Variants in GADL1 observed in about 807,000 individuals in gnomAD.
GADL1 encodes the protein acidic amino acid decarboxylase GADL1.
In GADL1, 71 loss-of-function variants were observed where a neutral mutation model predicts 69.5. That is an observed-to-expected ratio of 1.02 (90% CI 0.84 to 1.25). The LOEUF is 1.25. Among genes scored for constraint, GADL1 ranks in the 50% most tolerant of loss-of-function variants. The probability of loss-of-function intolerance (pLI) is 0.00; values close to 1 mark genes in which losing one functional copy is unlikely to be tolerated. For missense variants in GADL1, 737 were observed against 631.8 expected (o/e 1.17, Z -1.79); for synonymous variants, 254 against 214.4 (o/e 1.18, Z -1.62).
At chr3:30,852,386 C>T (rs1698161752) in intron 4 of GADL1, among the ~76,000 whole-genome samples, 1 of 152,000 alleles carries the variant, frequency 6.6e-6, no homozygotes, top group South Asian at 2.1e-4. Flanking sequence ...GTGGTAGGGG[C>T]CTGTAATCCC....
chr3:30,869,825 A>T (rs1331074238), intron 1 of GADL1, among the ~76,000 whole-genome samples: 2 of 151,836 alleles, frequency 1.3e-5, no homozygotes, highest in Admixed American at 1.3e-4. Context: ...AAACTTCAAG[A>T]CCAAAAAGAC....
intron 14 of GADL1, among the ~76,000 whole-genome samples, chr3:30,757,174 A>G (rs1447061130): frequency 6.6e-6 from 1 of 152,120 alleles, no homozygotes; most frequent in Non-Finnish European, 1.5e-5. Context: ...TGCTCCCAAA[A>G]TGTGATTGAA....
intron 12 of GADL1, among the ~76,000 whole-genome samples, chr3:30,791,841 G>A (rs1299820025): frequency 1.3e-5 from 2 of 152,088 alleles, no homozygotes; most frequent in Non-Finnish European, 2.9e-5. Flanking sequence ...TTTCATGACA[G>A]TGAATAAGTC....
intron 14 of GADL1, among the ~76,000 whole-genome samples, chr3:30,750,102 T>A (rs1333147910): frequency 6.6e-6 from 1 of 152,184 alleles, no homozygotes; most frequent in East Asian, 1.9e-4. Flanking sequence ...TTTCTCCTTC[T>A]TCATCAAAGT....
rs184767550 is a variant in GADL1, at chr3:30,778,193, C to T, written c.1378G>A (p.Ala460Thr). ...TTATTACTTACCAAATTAAGTTTTG[C>T]CCAGAACTCGGGTCCTTCTTCCATC... ...REMEEGPEFW[A>T]KLNLVAPAIK... Residue 460 changes from alanine to threonine, a missense_variant, in exon 14 of 15, where the codon GCA (alanine) becomes ACA (threonine). Transcript: ENST00000282538. 67 of 1,605,076 alleles carry T rather than the reference C, an allele frequency of 4.2e-5. No homozygotes were observed. In the Admixed American group the frequency reaches 9.7e-4, roughly 23 times the overall value.
intron 13 of GADL1, among the ~76,000 whole-genome samples, chr3:30,780,400 C>G (rs1053909461): frequency 5.3e-5 from 8 of 152,180 alleles, no homozygotes; most frequent in East Asian, 1.9e-4. Flanking sequence ...CTTGGGCGCT[C>G]TATCTCAGTG....
chr3:30,816,888 G>T (rs1697486168), intron 11 of GADL1, among the ~76,000 whole-genome samples: 1 of 151,930 alleles, frequency 6.6e-6, no homozygotes, highest in South Asian at 2.1e-4. Flanking sequence ...CAGAAATCAG[G>T]GGATAACTGT....
At chr3:30,849,617 T>C (rs2125531471) in intron 6 of GADL1, among the ~76,000 whole-genome samples, 1 of 152,266 alleles carries the variant, frequency 6.6e-6, no homozygotes, top group East Asian at 1.9e-4. Context: ...ACATCCCTTA[T>C]ATTAGCCAAT....
intron 1 of GADL1, among the ~76,000 whole-genome samples, chr3:30,862,740 G>A (rs368625749): frequency 2.0e-5 from 3 of 151,938 alleles, no homozygotes; most frequent in East Asian, 3.9e-4. Context: ...ATCTTCAAAG[G>A]CAAAGAGCTA....
chr3:30,786,904 T>A (rs553741310), intron 12 of GADL1, among the ~76,000 whole-genome samples: 1 of 152,182 alleles, frequency 6.6e-6, no homozygotes. Context: ...ATCAGTATCA[T>A]GTTAAAAGTA....
At chr3:30,784,570 A>G (rs535108942) in intron 13 of GADL1, among the ~76,000 whole-genome samples, 3 of 152,308 alleles carry the variant, frequency 2.0e-5, no homozygotes, top group South Asian at 4.1e-4. Flanking sequence ...TACTAGGGGA[A>G]TCCATGCTCT....
At chr3:30,860,284 T>G (rs905609517) in intron 2 of GADL1, among the ~76,000 whole-genome samples, 1 of 151,952 alleles carries the variant, frequency 6.6e-6, no homozygotes, top group South Asian at 2.1e-4. Flanking sequence ...TCCAATTAGA[T>G]TATAAATTCT....
At chr3:30,735,990 T>G (rs993877774) in intron 14 of GADL1, among the ~76,000 whole-genome samples, 2 of 152,140 alleles carry the variant, frequency 1.3e-5, no homozygotes, top group African/African-American at 2.4e-5. Context: ...TAATCTTTCA[T>G]TATGTTTGTT....
chr3:30,862,545 G>C (rs4955345), intron 1 of GADL1, among the ~76,000 whole-genome samples: 50,460 of 151,834 alleles, frequency 0.33, 8,739 homozygotes, highest in East Asian at 0.63. Context: ...TGAAGCTTTG[G>C]GCAGAGATAA....
chr3:30,761,700 T>C (rs1170135753), intron 14 of GADL1, among the ~76,000 whole-genome samples: 2 of 132,154 alleles, frequency 1.5e-5, no homozygotes, highest in Non-Finnish European at 3.4e-5. Context: ...GACATATCCA[T>C]TTGTGTGTGA....
chr3:30,863,719 A>AAC lies in GADL1; in HGVS notation c.38-1955_38-1954insGT, dbSNP rs56885580. ...ATATTCCAATGGTCTACAAAAAAAA[A>AAC]CCCTTCTAAATATATGTATTTCAAA... On this transcript the variant is annotated intron_variant, in intron 1 of 14. Transcript: ENST00000282538. Among the ~76,000 whole-genome samples the AAC allele has an allele frequency of 3.3e-5, 5 of 151,726 alleles. No homozygotes were observed. In the South Asian group the frequency reaches 1.0e-3, roughly 32 times the overall value.
At chr3:30,736,764 T>C (rs1282618939) in intron 14 of GADL1, among the ~76,000 whole-genome samples, 1 of 152,162 alleles carries the variant, frequency 6.6e-6, no homozygotes, top group Non-Finnish European at 1.5e-5. Context: ...TCAACTTACA[T>C]TTTTCCTTTA....
At chr3:30,816,369 T>G (rs1045827718) in intron 11 of GADL1, among the ~76,000 whole-genome samples, 4 of 151,880 alleles carry the variant, frequency 2.6e-5, no homozygotes, top group African/African-American at 9.7e-5. Context: ...GGAAAATAAA[T>G]GCATTCTTAA....
intron 14 of GADL1, among the ~76,000 whole-genome samples, chr3:30,743,659 G>A (rs1246286960): frequency 2.6e-5 from 4 of 152,196 alleles, no homozygotes; most frequent in Admixed American, 2.0e-4. Context: ...TTCCCTGAGT[G>A]GATGGTTAGG....
Sources: gnomAD v4.1 joint callset for allele counts (sites outside exome capture counted in the v4.1 genomes callset) on GRCh38, gnomAD v4.1.1 for gene constraint, MANE v1.5 for transcripts, NCBI Gene and HGNC (gene_info 2026-07-23, HGNC 2026-07-21) for gene names.